Variants in UBN2 observed in about 807,000 individuals in gnomAD.
UBN2 encodes the protein ubinuclein-2.
UBN2 carries 35 observed loss-of-function variants against 120.2 expected under a neutral mutation model. The observed-to-expected ratio is 0.29, with a 90% CI of 0.22 to 0.39. The LOEUF is 0.39. Ranked by LOEUF, UBN2 falls within the 10% of genes least tolerant of loss-of-function variation. The pLI is 1.00. For missense variants in UBN2, 1,693 were observed against 1,663.2 expected, an observed-to-expected ratio of 1.02 and a Z score of -0.31; for synonymous variants, 661 against 648.7, an observed-to-expected ratio of 1.02 and a Z score of -0.29.
intron 15 of UBN2, among the ~76,000 whole-genome samples, chr7:139,286,713 T>C (rs1797799791): frequency 6.6e-6 from 1 of 152,200 alleles, no homozygotes; most frequent in South Asian, 2.1e-4. Flanking sequence ...AACATAACTT[T>C]TATTTATTTA....
At chr7:139,272,128 A>T (rs1450526564) in intron 8 of UBN2, among the ~76,000 whole-genome samples, 194 bp from the exon 9 acceptor site, 1 of 152,150 alleles carries the variant, frequency 6.6e-6, no homozygotes, top group Non-Finnish European at 1.5e-5. Flanking sequence ...GCTAACTGGA[A>T]TATGTCATTC....
At chr7:139,259,147 A>G (rs1313364270) in intron 4 of UBN2, 120 bp from the exon 5 acceptor site, 9 of 1,431,538 alleles carry the variant, frequency 6.3e-6, no homozygotes, top group Non-Finnish European at 8.3e-6. Flanking sequence ...CTGCAGTTAT[A>G]ACAAACGATT....
At chr7:139,248,278 A>T (rs1245241099) in intron 2 of UBN2, among the ~76,000 whole-genome samples, 2 of 152,164 alleles carry the variant, frequency 1.3e-5, no homozygotes, top group African/African-American at 4.8e-5. Context: ...TTCATAGGAA[A>T]TTTGGAAATC....
chr7:139,323,596 T>C, the UBN2 span, among the ~76,000 whole-genome samples: 2 of 126,618 alleles, frequency 1.6e-5, no homozygotes, highest in Non-Finnish European at 3.2e-5. Flanking sequence ...ATTATTATTA[T>C]TATTATTTTT....
the UBN2 span, among the ~76,000 whole-genome samples, chr7:139,318,706 A>T: frequency 6.6e-6 from 1 of 152,118 alleles, no homozygotes; most frequent in Non-Finnish European, 1.5e-5. Context: ...AGAAGGATTT[A>T]AAGAAATCCT....
At position 139,299,294 on chromosome 7, in the gene UBN2, A is replaced by G. The variant is rs1323856644; in HGVS notation, c.*1458A>G. The G allele has an allele frequency of 6.6e-6, 1 of 152,156 alleles. No homozygotes were observed. Among genetic ancestry groups the G allele is most frequent in the Non-Finnish European group, 1.5e-5 (1 of 67,990 alleles). The allele number at this position is 152,156 out of a possible 1,614,324, so 9.4% of individuals were successfully genotyped here. ...ATAAGCTTCATCCATTTATAATGAC[A>G]CTAACCTAAAAAAAATAGACTGGTA... is the stretch of plus-strand genomic sequence containing the variant. On this transcript the variant is annotated 3_prime_UTR_variant, in exon 18 of 18. Coordinates refer to ENST00000473989, the MANE Select transcript of UBN2 (RefSeq NM_173569.4).
chr7:139,263,760 C>T lies in UBN2; in HGVS notation c.1395+2019C>T, dbSNP rs150689155. Among the ~76,000 whole-genome samples, 1,315 of 145,142 alleles carry T rather than the reference C, an allele frequency of 9.1e-3. 22 individuals are homozygous for T. Among genetic ancestry groups the T allele is most frequent in the African/African-American group, 0.031 (1,228 of 39,156 alleles). ...CCAGCCTGAGCAACCAAGCAAGACT[C>T]CATCTCAAAAAAAAAAAAAAAAAAT... On this transcript the variant is annotated intron_variant, in intron 6 of 17. Coordinates refer to ENST00000473989, the MANE Select transcript of UBN2 (RefSeq NM_173569.4).
rs147895490 is a variant in UBN2, at chr7:139,283,733, T to C, written c.2828T>C (p.Leu943Ser). 5.0e-6 allele frequency: 8 copies of C among 1,613,864 alleles called. No homozygotes were observed. The African/African-American group carries it at 1.1e-4, about 22-fold the overall frequency. The change falls in exon 15 of 18, where the codon TTA becomes TCA. Residue 943 changes from leucine (L) to serine (S), a missense_variant. By Grantham distance (145) the Leu-to-Ser change is moderately radical. Coordinates refer to ENST00000473989, the MANE Select transcript of UBN2 (RefSeq NM_173569.4). The stretch of plus-strand genomic sequence containing the variant: ...GTCCAGCAGAACTATGTGTCTCCAT[T>C]ACAGGCCACCATCAGTAAATCCCAG... ...SAVQQNYVSP[L>S]QATISKSQTN...
At position 139,252,116 on chromosome 7, in the gene UBN2, T is replaced by A. The variant is rs544716778; in HGVS notation, c.663+59T>A. 521 of 1,445,516 alleles carry A rather than the reference T, an allele frequency of 3.6e-4. 3 individuals are homozygous for A. In the African/African-American group the frequency reaches 6.1e-3, roughly 17 times the overall value. The allele number at this position is 1,445,516 out of a possible 1,614,324, so 89.5% of individuals were successfully genotyped here. A position where few individuals can be genotyped will look rare whatever the true frequency, so the allele number is the denominator to read the frequency against. On this transcript the variant is annotated intron_variant, in intron 3 of 17. Coordinates refer to ENST00000473989, the MANE Select transcript of UBN2 (RefSeq NM_173569.4). Reference sequence around the variant, plus strand: ...CATTGTTTGTATGGGATAGTAGAAGTCAAGGGTAAAGTAACTTAAATAGTG... The same window carrying A: ...CATTGTTTGTATGGGATAGTAGAAGACAAGGGTAAAGTAACTTAAATAGTG...
At chr7:139,295,925 A>C (rs78297719) in intron 17 of UBN2, among the ~76,000 whole-genome samples, 126 of 149,378 alleles carry the variant, frequency 8.4e-4, no homozygotes, top group African/African-American at 2.7e-3. Flanking sequence ...TGTCCCCCCC[A>C]AAAAAAAAAG....
At chr7:139,297,193 CAA>C (rs952689538) in intron 17 of UBN2, among the ~76,000 whole-genome samples, 36 of 56,356 alleles carry the variant, frequency 6.4e-4, no homozygotes, top group Admixed American at 1.2e-3. Context: ...GACTCCGTCT[CAA>C]AAAAAAAAAA....
chr7:139,232,609 C>T (rs768671205), intron 1 of UBN2, among the ~76,000 whole-genome samples: 15 of 152,034 alleles, frequency 9.9e-5, no homozygotes, highest in Non-Finnish European at 2.1e-4. Flanking sequence ...ATTGGAAAAC[C>T]TTTTTAGCTT....
chr7:139,273,254 G>C (rs1797342419), intron 9 of UBN2, 43 bp from the exon 10 acceptor site: 1 of 1,383,352 alleles, frequency 7.2e-7, no homozygotes, highest in African/African-American at 1.4e-5. Context: ...TATAGGCAGT[G>C]TTGGGTTAAA....
At position 139,261,481 on chromosome 7, in the gene UBN2, C is replaced by G; in HGVS notation, c.1135C>G (p.Pro379Ala). ...GGACTTAAATCTGAGCAGCGGTGAT[C>G]CAGACCTTCCCATTTTTGTTAGCAC... ...VPDLNLSSGD[P>A]DLPIFVSTNE... The change falls in exon 6 of 18, where the codon CCA becomes GCA. Residue 379 changes from proline to alanine, a missense_variant. Physicochemically the swap from Pro to Ala is conservative, Grantham distance 27 (BLOSUM62 -1). Transcript: ENST00000473989. The G allele has an allele frequency of 6.2e-7, 1 of 1,614,224 alleles. No individual in the cohort carries two copies. The highest frequency in any genetic ancestry group is 1.3e-5 in the African/African-American group (1 of 75,054).
chr7:139,258,678 T>G, intron 4 of UBN2, 53 bp downstream of exon 4: 1 of 1,452,794 alleles, frequency 6.9e-7, no homozygotes, highest in Non-Finnish European at 9.2e-7. Context: ...TAATAGGATT[T>G]TTTTTAATGT....
At position 139,258,633 on chromosome 7, in the gene UBN2, T is replaced by C. The variant is rs766858739; in HGVS notation, c.801+8T>C. On this transcript the variant is annotated splice_region_variant and intron_variant, in intron 4 of 17. Transcript: ENST00000473989. ...AAGCACAAGCCACCCAAGGTGAGTT[T>C]ATCAAACATTGCAACAGTACTGAGA... is the stretch of plus-strand genomic sequence containing the variant. The C allele has an allele frequency of 1.9e-6, 3 of 1,586,316 alleles. No homozygotes were observed. The East Asian group carries it at 6.7e-5, about 36-fold the overall frequency.
At chr7:139,238,084 A>G (rs751774371) in intron 2 of UBN2, among the ~76,000 whole-genome samples, 8 of 152,166 alleles carry the variant, frequency 5.3e-5, no homozygotes, top group Non-Finnish European at 8.8e-5. Flanking sequence ...CTCACCCCAC[A>G]TTTACACTAT....
In UBN2 at chr7:139,251,987, G is replaced by A. The variant is rs1442636521; in HGVS notation, c.593G>A (p.Arg198Gln). The change falls in exon 3 of 18, where the codon CGG becomes CAG. Residue 198 changes from arginine (R) to glutamine (Q), a missense_variant. Physicochemically the swap from Arg to Gln is conservative, Grantham distance 43 (BLOSUM62 1). Transcript: ENST00000473989. ...GGKPRKHRKD[R>Q]LQDLIDIGFG... ...AAACCCCGTAAACACCGGAAGGATC[G>A]GCTACAAGATTTAATTGATATAGGC... 3.7e-6 allele frequency: 6 copies of A among 1,614,050 alleles called. No homozygotes were observed. The highest frequency in any genetic ancestry group is 2.2e-5 in the South Asian group (2 of 91,078).
intron 2 of UBN2, among the ~76,000 whole-genome samples, chr7:139,247,844 T>C (rs186408446): frequency 6.6e-6 from 1 of 152,210 alleles, no homozygotes; most frequent in African/African-American, 2.4e-5. Flanking sequence ...TGCCTTCCAC[T>C]TGTCCTTGTC....
Sources: allele counts gnomAD v4.1 joint callset (sites outside exome capture counted in the v4.1 genomes callset), GRCh38; gene constraint gnomAD v4.1.1; transcripts MANE v1.5; gene names NCBI Gene and HGNC (gene_info 2026-07-23, HGNC 2026-07-21).